Variants in KCNS3 observed in about 807,000 individuals in gnomAD.
The protein encoded by KCNS3 is potassium voltage-gated channel modifier subfamily S member 3.
In KCNS3, 13 loss-of-function variants were observed where a neutral mutation model predicts 31.0. That is an observed-to-expected ratio of 0.42 (90% confidence interval 0.27 to 0.67). The LOEUF is 0.67. KCNS3 is among the 30% of genes least tolerant of loss of function. KCNS3 has a pLI of 0.25. For synonymous variants in KCNS3, 238 were observed against 241.5 expected (o/e 0.99, Z 0.13); for missense variants, 545 against 622.4 (o/e 0.88, Z 1.32).
At chr2:17,897,831 A>C (rs1210793428) in intron 1 of KCNS3, among the ~76,000 whole-genome samples, 1 of 152,180 alleles carries the variant, frequency 6.6e-6, no homozygotes. Flanking sequence ...GGACTTAGCC[A>C]CAAATTCTTT....
intron 1 of KCNS3, among the ~76,000 whole-genome samples, chr2:17,884,532 G>A (rs1180097186): frequency 6.6e-6 from 1 of 151,958 alleles, no homozygotes; most frequent in African/African-American, 2.4e-5. Flanking sequence ...GGTGTGTTGT[G>A]TGTTGCAGAA....
Position 17,932,481 on chromosome 2 carries a change from A to G in KCNS3, c.1473A>G (p.Lys491=). 1 of 1,606,890 alleles carries G rather than the reference A, an allele frequency of 6.2e-7. No individual in the cohort carries two copies. Among genetic ancestry groups the G allele is most frequent in the Middle Eastern group, 1.7e-4 (1 of 6,014 alleles). Residue 491 remains lysine, a synonymous_variant, in exon 3 of 3, where the codon AAA becomes AAG. Coordinates refer to ENST00000304101, the MANE Select transcript of KCNS3 (RefSeq NM_002252.5). ...CCTCCTTGGAGAATTGCACAGCAAA[A>G]TGAGCGGGGGTGTTTGTGCCTGTTT... ...NTTSLENCTA[K]
intron 2 of KCNS3, among the ~76,000 whole-genome samples, chr2:17,925,532 C>G (rs1046536306): frequency 1.3e-5 from 2 of 152,164 alleles, no homozygotes; most frequent in Admixed American, 1.3e-4. Flanking sequence ...TTCCGCAGGG[C>G]TAGGGGGTCT....
chr2:17,887,531 C>CTATCTATT (rs755583354), intron 1 of KCNS3, among the ~76,000 whole-genome samples: 3 of 151,542 alleles, frequency 2.0e-5, no homozygotes, highest in African/African-American at 7.3e-5. Context: ...ATCTATCTAT[C>CTATCTATT]TCTGTATCTA....
At chr2:17,887,484 G>GATCTATCTATCTATCTATCCATCTATCT (rs149585478) in intron 1 of KCNS3, among the ~76,000 whole-genome samples, 1,801 of 146,346 alleles carry the variant, frequency 0.012, 20 homozygotes, top group East Asian at 0.051. Flanking sequence ...TCTATCATAT[G>GATCTATCTATCTATCTATCCATCTATCT]ATCTATCTAT....
chr2:17,911,927 T>C (rs997508342), intron 1 of KCNS3, among the ~76,000 whole-genome samples: 1 of 152,230 alleles, frequency 6.6e-6, no homozygotes, highest in Admixed American at 6.5e-5. Flanking sequence ...GCTGCAAGGA[T>C]TAAATGGATT....
At chr2:17,883,426 G>A (rs1674688439) in intron 1 of KCNS3, among the ~76,000 whole-genome samples, 1 of 152,004 alleles carries the variant, frequency 6.6e-6, no homozygotes, top group East Asian at 1.9e-4. Context: ...TGAGAAGTGG[G>A]AGGGAGACAG....
chr2:17,929,475 G>A (rs936802592), intron 2 of KCNS3, among the ~76,000 whole-genome samples: 2 of 152,176 alleles, frequency 1.3e-5, no homozygotes, highest in East Asian at 1.9e-4. Flanking sequence ...GTGCTTGGGG[G>A]ATGATGCTAA....
chr2:17,908,860 G>T (rs1483370285), intron 1 of KCNS3, among the ~76,000 whole-genome samples: 2 of 152,262 alleles, frequency 1.3e-5, no homozygotes, highest in African/African-American at 4.8e-5. Context: ...TGAAGTGTCA[G>T]TCTGCCCCTA....
chr2:17,900,845 G>C (rs1471299274), intron 1 of KCNS3, among the ~76,000 whole-genome samples: 1 of 152,136 alleles, frequency 6.6e-6, no homozygotes, highest in Non-Finnish European at 1.5e-5. Context: ...GACAGGCAAG[G>C]CTAGTGGATA....
chr2:17,914,461 A>G (rs1405995304), intron 1 of KCNS3, among the ~76,000 whole-genome samples: 1 of 152,178 alleles, frequency 6.6e-6, no homozygotes, highest in Non-Finnish European at 1.5e-5. Flanking sequence ...TCTTCAGGTT[A>G]AGACTCTTCT....
chr2:17,883,074 C>T (rs998890473), intron 1 of KCNS3, among the ~76,000 whole-genome samples: 6 of 152,036 alleles, frequency 3.9e-5, no homozygotes, highest in Middle Eastern at 3.2e-3. Context: ...AAGTATTGAA[C>T]GATAAAGGCA....
intron 1 of KCNS3, among the ~76,000 whole-genome samples, chr2:17,907,380 T>C (rs1215745829): frequency 6.6e-6 from 1 of 152,226 alleles, no homozygotes; most frequent in East Asian, 1.9e-4. Context: ...GTCTCCTGAA[T>C]ACAGCGCACT....
intron 1 of KCNS3, among the ~76,000 whole-genome samples, chr2:17,903,345 T>A (rs1004754241): frequency 6.6e-6 from 1 of 152,070 alleles, no homozygotes; most frequent in Non-Finnish European, 1.5e-5. Flanking sequence ...AATAAGACAA[T>A]GAAATTAAAA....
intron 1 of KCNS3, among the ~76,000 whole-genome samples, chr2:17,879,915 C>G (rs577677530): frequency 6.6e-6 from 1 of 152,278 alleles, no homozygotes; most frequent in Admixed American, 6.5e-5. Context: ...ACGTTCCTGC[C>G]GGAGAGTAGC....
At chr2:17,911,848 G>A (rs1033755875) in intron 1 of KCNS3, among the ~76,000 whole-genome samples, 1 of 152,162 alleles carries the variant, frequency 6.6e-6, no homozygotes, top group Non-Finnish European at 1.5e-5. Context: ...CCTAAAATCA[G>A]TTAACTTCTC....
upstream of KCNS3, among the ~76,000 whole-genome samples, chr2:17,878,514 C>T (rs1674558635): frequency 6.6e-6 from 1 of 151,338 alleles, no homozygotes; most frequent in Non-Finnish European, 1.5e-5. Flanking sequence ...CGCCCTCGGC[C>T]CGGGGCGCCC....
chr2:17,925,168 A>G (rs1197790169), intron 2 of KCNS3, among the ~76,000 whole-genome samples: 1 of 152,174 alleles, frequency 6.6e-6, no homozygotes, highest in Admixed American at 6.5e-5. Flanking sequence ...AATTAACCTG[A>G]AAAATGAGTT....
At chr2:17,904,027 C>A (rs938633225) in intron 1 of KCNS3, among the ~76,000 whole-genome samples, 3 of 152,072 alleles carry the variant, frequency 2.0e-5, no homozygotes, top group Non-Finnish European at 4.4e-5. Flanking sequence ...CCTGAGGAGT[C>A]GCCACACTGA....
Sources: gnomAD v4.1 joint callset for allele counts (sites outside exome capture counted in the v4.1 genomes callset) on GRCh38, gnomAD v4.1.1 for gene constraint, MANE v1.5 for transcripts, NCBI Gene and HGNC (gene_info 2026-07-23, HGNC 2026-07-21) for gene names.